The following UST variants were observed in gnomAD, a reference collection of about 807,000 sequenced individuals.
UST encodes uronyl 2-sulfotransferase.
Under a neutral mutation model 45.6 loss-of-function variants are expected in UST, and 21 were observed. That is an observed-to-expected ratio of 0.46 (90% CI 0.33 to 0.66). The LOEUF is 0.66. Among genes scored for constraint, UST ranks in the 30% least tolerant of loss-of-function variants. UST has a pLI of 0.02. For missense variants in UST, 463 were observed against 512.4 expected (o/e 0.90, Z 0.93); for synonymous variants, 215 against 200.6 (o/e 1.07, Z -0.61).
At chr6:149,008,635 G>A (rs2486419) in intron 5 of UST, among the ~76,000 whole-genome samples, 11 of 151,960 alleles carry the variant, frequency 7.2e-5, no homozygotes, top group East Asian at 1.9e-4. Context: ...AAAATACAGC[G>A]GAATAAGACT....
At chr6:148,775,034 A>AT (rs1256344690) in intron 1 of UST, among the ~76,000 whole-genome samples, 1 of 152,096 alleles carries the variant, frequency 6.6e-6, no homozygotes, top group Admixed American at 6.5e-5. Flanking sequence ...GAAAAAAAAA[A>AT]GAGTGCATGA....
intron 1 of UST, among the ~76,000 whole-genome samples, chr6:148,780,153 A>C (rs550610118): frequency 6.6e-6 from 1 of 151,466 alleles, no homozygotes; most frequent in African/African-American, 2.4e-5. Context: ...ACACTTATGC[A>C]GGAATACCTT....
chr6:148,789,357 G>A (rs1776791744), intron 1 of UST, among the ~76,000 whole-genome samples: 2 of 151,182 alleles, frequency 1.3e-5, no homozygotes, highest in Non-Finnish European at 2.9e-5. Context: ...TTTCTTAGAA[G>A]CTGCATCCAA....
intron 5 of UST, among the ~76,000 whole-genome samples, chr6:149,007,356 C>T (rs1219982692): frequency 6.8e-6 from 1 of 147,486 alleles, no homozygotes; most frequent in East Asian, 2.0e-4. Context: ...GGTGCAATCT[C>T]GGCTCACTGC....
rs34191810 is a variant in UST at position 149,056,117 on chromosome 6, C to CTT, written c.938-17691_938-17690dup. Among the ~76,000 whole-genome samples the CTT allele has an allele frequency of 2.5e-3, 200 of 81,060 alleles. 10 individuals carry two copies. Among genetic ancestry groups the CTT allele is most frequent in the African/African-American group, 4.9e-3 (96 of 19,526 alleles). The allele number at this position is 81,060 out of a possible 152,430, so 53.2% of individuals were successfully genotyped here. On this transcript the variant is annotated intron_variant, in intron 7 of 7. Transcript: ENST00000367463. Reference sequence around the variant, plus strand: ...TGTTACTCTGCTTTTCTTTTCTTTTCTTTTTTTTTTTTTTTTTTTTTTTTT... The same window carrying CTT: ...TGTTACTCTGCTTTTCTTTTCTTTTCTTTTTTTTTTTTTTTTTTTTTTTTTTT...
chr6:148,898,773 C>G (rs947831551), intron 2 of UST, among the ~76,000 whole-genome samples: 2 of 152,158 alleles, frequency 1.3e-5, no homozygotes, highest in Non-Finnish European at 2.9e-5. Flanking sequence ...CTTCCCCACC[C>G]CAATCCCCAG....
At chr6:149,034,870 CTCTCTCTCTCTCTCTCTCTCTCTCT>C (rs1776219035) in intron 7 of UST, among the ~76,000 whole-genome samples, 1 of 134,728 alleles carries the variant, frequency 7.4e-6, no homozygotes, top group African/African-American at 3.5e-5. Flanking sequence ...CTCTCTCTCT[CTCTCTCTCTCTCTCTCTCTCTCTCT>C]CCTTGGATTG....
intron 7 of UST, among the ~76,000 whole-genome samples, chr6:149,034,524 C>T (rs976838677): frequency 5.9e-5 from 9 of 152,178 alleles, no homozygotes; most frequent in Admixed American, 2.6e-4. Flanking sequence ...CCAGCCTGCC[C>T]TCCCTTCCCC....
At chr6:149,029,467 A>G (rs906403772) in intron 7 of UST, among the ~76,000 whole-genome samples, 1 of 143,602 alleles carries the variant, frequency 7.0e-6, no homozygotes. Flanking sequence ...ATTATATATT[A>G]TATATATAAT....
chr6:148,889,704 T>C (rs1778979431), intron 2 of UST, among the ~76,000 whole-genome samples: 1 of 152,176 alleles, frequency 6.6e-6, no homozygotes, highest in Non-Finnish European at 1.5e-5. Context: ...CTTTTTGACC[T>C]TTTTCCTTGG....
chr6:149,068,856 C>T (rs1776779467), intron 7 of UST, among the ~76,000 whole-genome samples: 1 of 152,148 alleles, frequency 6.6e-6, no homozygotes, highest in Admixed American at 6.5e-5. Context: ...TATAACTGTA[C>T]ATTTGTACCC....
intron 2 of UST, among the ~76,000 whole-genome samples, chr6:148,921,837 C>T (rs1429995735): frequency 6.6e-6 from 1 of 152,092 alleles, no homozygotes; most frequent in East Asian, 1.9e-4. Flanking sequence ...AGTTGGCTGT[C>T]CCCACTGCCG....
At chr6:148,753,452 C>T (rs1286580354) in intron 1 of UST, among the ~76,000 whole-genome samples, 1 of 152,196 alleles carries the variant, frequency 6.6e-6, no homozygotes, top group Non-Finnish European at 1.5e-5. Context: ...CATGTTATAG[C>T]ATGTGTCAGT....
At chr6:148,787,642 T>C (rs1454634249) in intron 1 of UST, among the ~76,000 whole-genome samples, 1 of 152,234 alleles carries the variant, frequency 6.6e-6, no homozygotes, top group African/African-American at 2.4e-5. Context: ...AGCTTTGTTC[T>C]TTTTGCTTAG....
intron 7 of UST, among the ~76,000 whole-genome samples, chr6:149,042,894 A>G (rs1776334925): frequency 6.6e-6 from 1 of 152,096 alleles, no homozygotes; most frequent in Non-Finnish European, 1.5e-5. Flanking sequence ...TGCTAGGATT[A>G]TAGACATGAG....
At chr6:148,780,037 G>A (rs964602894) in intron 1 of UST, among the ~76,000 whole-genome samples, 8 of 151,364 alleles carry the variant, frequency 5.3e-5, no homozygotes, top group African/African-American at 1.7e-4. Context: ...AGGTATTATT[G>A]TATTTTATTA....
At chr6:148,881,425 G>C (rs542294011) in intron 1 of UST, among the ~76,000 whole-genome samples, 3 of 152,274 alleles carry the variant, frequency 2.0e-5, no homozygotes, top group Non-Finnish European at 4.4e-5. Flanking sequence ...TAAAGGTATA[G>C]GTTACTTTTC....
intron 7 of UST, among the ~76,000 whole-genome samples, chr6:149,057,602 T>C (rs1776586487): frequency 6.6e-6 from 1 of 152,204 alleles, no homozygotes; most frequent in African/African-American, 2.4e-5. Context: ...CTGATATTAT[T>C]GAGTCATAGA....
intron 1 of UST, among the ~76,000 whole-genome samples, chr6:148,822,300 T>A (rs1777482889): frequency 6.6e-6 from 1 of 152,236 alleles, no homozygotes; most frequent in Admixed American, 6.5e-5. Context: ...TGTTCTACTC[T>A]TTCCTCTTTC....
Sources: allele counts gnomAD v4.1 joint callset (sites outside exome capture counted in the v4.1 genomes callset), GRCh38; gene constraint gnomAD v4.1.1; transcripts MANE v1.5; gene names NCBI Gene and HGNC (gene_info 2026-07-23, HGNC 2026-07-21).